PLIN5: variants seen among roughly 807,000 people sequenced by gnomAD.
The protein encoded by PLIN5 is perilipin 5.
In PLIN5, 34 loss-of-function variants were observed where a neutral mutation model predicts 32.8. The observed-to-expected ratio is 1.04, with a 90% confidence interval of 0.79 to 1.38. The LOEUF (loss-of-function observed/expected upper bound fraction) is 1.38, where lower values mean the gene tolerates loss of function less well. Among genes scored for constraint, PLIN5 ranks in the 40% most tolerant of loss-of-function variants. PLIN5 has a pLI of 0.00. For synonymous variants in PLIN5, 309 were observed against 292.9 expected (o/e 1.05, Z -0.56); for missense variants, 712 against 660.5 (o/e 1.08, Z -0.85).
intron 7 of PLIN5, 68 bp from the exon 8 acceptor site, chr19:4,524,153 C>T: frequency 7.4e-7 from 1 of 1,358,438 alleles, no homozygotes; most frequent in Non-Finnish European, 9.5e-7. Flanking sequence ...GCCTCGGTTT[C>T]TCTGATGGAC....
At chr19:4,533,939 G>A (rs574552056) in intron 2 of PLIN5, 76 bp downstream of exon 2, 550 of 1,501,178 alleles carry the variant, frequency 3.7e-4, no homozygotes, top group Non-Finnish European at 4.6e-4. Context: ...CGGGATACCT[G>A]GCCTGAAACG....
chr19:4,523,441 G>T lies in PLIN5; in HGVS notation c.*87C>A, dbSNP rs1976755246. 4 of 1,423,886 alleles carry T rather than the reference G, an allele frequency of 2.8e-6. No homozygotes were observed. The highest frequency in any genetic ancestry group is 3.8e-6 in the Non-Finnish European group (4 of 1,063,450). The allele number at this position is 1,423,886 out of a possible 1,614,324, so 88.2% of individuals were successfully genotyped here. A position where few individuals can be genotyped will look rare whatever the true frequency, so the allele number is the denominator to read the frequency against. On this transcript the variant is annotated 3_prime_UTR_variant, in exon 8 of 8. Transcript: ENST00000381848. The surrounding 1 kb of genome is among the most constrained non-coding windows in gnomAD (Gnocchi z 5.0). ...ATTCCAAAGAAGGGTCAAGGCCAAG[G>T]CCTCGAGCTTACGTGTGGCCACCAG... is the stretch of plus-strand genomic sequence containing the variant.
Position 4,523,477 on chromosome 19 carries a change from G to T in PLIN5, c.*51C>A, listed in dbSNP as rs1306198204. ...ACGTGTGGCCACCAGGGGGCAGCAGGGATCGGGGTGTGCAGGTGGCCTTTC... is the reference window on the plus strand; with the variant it reads ...ACGTGTGGCCACCAGGGGGCAGCAGTGATCGGGGTGTGCAGGTGGCCTTTC... On this transcript the variant is annotated 3_prime_UTR_variant, in exon 8 of 8. Coordinates refer to ENST00000381848, the MANE Select transcript of PLIN5 (RefSeq NM_001013706.3). This position sits in a 1 kb window ranked among gnomAD's most constrained non-coding sequence, Gnocchi z 5.0. 14 of 1,506,838 alleles carry T rather than the reference G, an allele frequency of 9.3e-6. No homozygotes were observed. Among genetic ancestry groups the T allele is most frequent in the Non-Finnish European group, 1.2e-5 (14 of 1,124,848 alleles). 93.3% of individuals were successfully genotyped at this position (1,506,838 alleles called of 1,614,324 possible).
In PLIN5 at chr19:4,525,278, C is replaced by G. The variant is rs1230354365; in HGVS notation, c.721-202G>C. 6.6e-6 allele frequency among the ~76,000 whole-genome samples: 1 copy of G among 152,098 alleles called. No individual in the cohort carries two copies. ...GGCTGTGGGTAAAGAAGGGACAGAC[C>G]TGACTCAGGGGCTCACAGGTGCCCT... On this transcript the variant is annotated intron_variant, in intron 6 of 7. Transcript: ENST00000381848. The surrounding 1 kb of genome is among the most constrained non-coding windows in gnomAD (Gnocchi z 5.6).
At chr19:4,527,968 G>C (rs1255319843) in intron 5 of PLIN5, among the ~76,000 whole-genome samples, 1 of 151,114 alleles carries the variant, frequency 6.6e-6, no homozygotes, top group African/African-American at 2.4e-5. Flanking sequence ...CAAGTGCAGT[G>C]GTGCGATCTC....
At chr19:4,533,838 C>T (rs1020306849) in intron 2 of PLIN5, 177 bp downstream of exon 2, 10 of 693,198 alleles carry the variant, frequency 1.4e-5, no homozygotes, top group Non-Finnish European at 2.4e-5. Flanking sequence ...CTCCCAGGGC[C>T]TCATTAAGCC....
rs374372886 is a variant in PLIN5, at chr19:4,531,710, C to T, written c.173G>A (p.Arg58His). The change falls in exon 3 of 8, where the codon CGC becomes CAC. Residue 58 changes from arginine to histidine, a missense_variant. Arg to His is a conservative substitution (Grantham distance 29, BLOSUM62 0). Transcript: ENST00000381848. ...DRHPLLGSAC[R>H]LAENCVCGLT... ...GCCGCACACGCAGTTCTCAGCCAGG[C>T]GGCAGGCGGAGCCCAGCAGCGGGTG... The T allele has an allele frequency of 3.0e-5, 47 of 1,580,492 alleles. No individual in the cohort carries two copies. Among genetic ancestry groups the T allele is most frequent in the South Asian group, 6.9e-5 (6 of 86,340 alleles).
chr19:4,531,580 G>T (rs1379032784), intron 3 of PLIN5, 47 bp downstream of exon 3: 2 of 1,456,978 alleles, frequency 1.4e-6, no homozygotes, highest in Non-Finnish European at 1.8e-6. Context: ...GGGGCGGTGG[G>T]GGGGTGGCAA....
At chr19:4,533,986 C>T (rs1311622867) in intron 2 of PLIN5, 29 bp downstream of exon 2, 16 of 1,605,968 alleles carry the variant, frequency 1.0e-5, no homozygotes, top group African/African-American at 1.3e-5. Flanking sequence ...TACCTTCTGT[C>T]CCTGCTCCAT....
intron 2 of PLIN5, 168 bp downstream of exon 2, chr19:4,533,847 C>A (rs1976915670): frequency 2.7e-6 from 2 of 737,962 alleles, no homozygotes; most frequent in African/African-American, 3.5e-5. Context: ...CCTCATTAAG[C>A]CCCCACTAGG....
Position 4,525,117 on chromosome 19 carries a change from TG to T in PLIN5, c.721-42del, listed in dbSNP as rs1488268431. 6.7e-5 allele frequency: 21 copies of T among 312,808 alleles called. No individual in the cohort carries two copies. Among genetic ancestry groups the T allele is most frequent in the Non-Finnish European group, 1.2e-4 (21 of 172,450 alleles). The allele number at this position is 312,808 out of a possible 1,614,324, so 19.4% of individuals were successfully genotyped here. A position where few individuals can be genotyped will look rare whatever the true frequency, so the allele number is the denominator to read the frequency against. ...TGGTGGTCTTCAGAGCTGGGGGAGC[TG>T]GGGGAGCTGGGGGTCGGGGTGGGGT... On this transcript the variant is annotated intron_variant, in intron 6 of 7. Transcript: ENST00000381848. This position sits in a 1 kb window ranked among gnomAD's most constrained non-coding sequence, Gnocchi z 5.6.
intron 5 of PLIN5, among the ~76,000 whole-genome samples, chr19:4,528,145 G>A (rs1402255663): frequency 2.0e-5 from 3 of 151,762 alleles, no homozygotes; most frequent in South Asian, 2.1e-4. Flanking sequence ...TCCTGACCTC[G>A]TGATCGGCCC....
chr19:4,527,067 T>C (rs371992510), intron 5 of PLIN5, among the ~76,000 whole-genome samples: 239 of 150,162 alleles, frequency 1.6e-3, no homozygotes, highest in African/African-American at 5.4e-3. Flanking sequence ...CAAGACCCCA[T>C]CTCTAAGAAA....
rs547692763 is a variant in PLIN5, at chr19:4,525,560, C to T, written c.720+73G>A. ...TCCTGCTTTAGGCTAGCACGGGATC[C>T]GGTATTCAGCTGGTGCTCAATCCAT... On this transcript the variant is annotated intron_variant, in intron 6 of 7. Coordinates refer to ENST00000381848, the MANE Select transcript of PLIN5 (RefSeq NM_001013706.3). This position sits in a 1 kb window ranked among gnomAD's most constrained non-coding sequence, Gnocchi z 5.6. 35 of 1,551,844 alleles carry T rather than the reference C, an allele frequency of 2.3e-5. No individual in the cohort carries two copies. Among genetic ancestry groups the T allele is most frequent in the South Asian group, 1.8e-4 (16 of 88,622 alleles).
chr19:4,524,759 T>C (rs1046972667), intron 7 of PLIN5, among the ~76,000 whole-genome samples: 6 of 147,910 alleles, frequency 4.1e-5, no homozygotes, highest in Non-Finnish European at 8.9e-5. Flanking sequence ...TCAAAATAAA[T>C]ACATAAATAA....
rs754557640 is a variant in PLIN5, at chr19:4,525,616, G to A, written c.720+17C>T. The stretch of plus-strand genomic sequence containing the variant: ...TTGGCCTGCATCCCGGAGCAGGGGC[G>A]GGCAGCGGGCTCTCACCAGCTCCAG... On this transcript the variant is annotated intron_variant, in intron 6 of 7. Transcript: ENST00000381848. This position sits in a 1 kb window ranked among gnomAD's most constrained non-coding sequence, Gnocchi z 5.6. 2.2e-5 allele frequency: 35 copies of A among 1,610,642 alleles called. No homozygotes were observed. The highest frequency in any genetic ancestry group is 5.5e-5 in the South Asian group (5 of 91,070).
Position 4,523,810 on chromosome 19 carries a change from C to A in PLIN5, c.1110G>T (p.Pro370=). 6.3e-7 allele frequency: 1 copy of A among 1,594,916 alleles called. No homozygotes were observed. The highest frequency in any genetic ancestry group is 8.5e-7 in the Non-Finnish European group (1 of 1,177,718). The change falls in exon 8 of 8, where the codon CCG becomes CCT. Residue 370 remains proline, a synonymous_variant. Coordinates refer to ENST00000381848, the MANE Select transcript of PLIN5 (RefSeq NM_001013706.3). The surrounding 1 kb of genome is among the most constrained non-coding windows in gnomAD (Gnocchi z 5.0). ...ELLELVVQAV[P]LPWLVGPFAP... ...CGAAGGGTCCCACCAGCCAGGGCAGCGGCACGGCCTGCACCACCAGCTCCA... is the reference window on the plus strand; with the variant it reads ...CGAAGGGTCCCACCAGCCAGGGCAGAGGCACGGCCTGCACCACCAGCTCCA...
At chr19:4,534,272 T>TC in intron 1 of PLIN5, 177 bp from the exon 2 acceptor site, 1 of 600,686 alleles carries the variant, frequency 1.7e-6, no homozygotes, top group South Asian at 2.0e-5. Flanking sequence ...ACAGAGGGTG[T>TC]CCAATAATGA....
At chr19:4,533,853 C>T (rs1038492265) in intron 2 of PLIN5, 162 bp downstream of exon 2, 7 of 782,566 alleles carry the variant, frequency 8.9e-6, no homozygotes, top group Non-Finnish European at 1.2e-5. Context: ...TAAGCCCCCA[C>T]TAGGAAATAG....
Sources: gnomAD v4.1 joint callset for allele counts (sites outside exome capture counted in the v4.1 genomes callset) on GRCh38, gnomAD v4.1.1 for gene constraint, Gnocchi (gnomAD v3.1) non-coding constraint, MANE v1.5 for transcripts, NCBI Gene and HGNC (gene_info 2026-07-23, HGNC 2026-07-21) for gene names.